The following EFNB1 variants were observed in gnomAD, a reference collection of about 807,000 sequenced individuals.
The protein encoded by EFNB1 is ephrin B1, also known as ephrin-B1.
In EFNB1, 1 loss-of-function variant was observed where a neutral mutation model predicts 18.1. The ratio of observed to expected loss-of-function variants is 0.06; its 90% confidence interval spans 0.02 to 0.26. The LOEUF (loss-of-function observed/expected upper bound fraction) is 0.26, where lower values mean the gene tolerates loss of function less well. Among genes scored for constraint, EFNB1 ranks in the 10% least tolerant of loss-of-function variants. The pLI, the probability that EFNB1 is intolerant of heterozygous loss-of-function variation, is 1.00. For missense variants in EFNB1, 221 were observed against 301.8 expected (o/e 0.73, Z 1.98); for synonymous variants, 131 against 127.5 (o/e 1.03, Z -0.19).
chrX:68,831,950 T>C (rs759085428), intron 1 of EFNB1, among the ~76,000 whole-genome samples: 39 of 110,239 alleles, frequency 3.5e-4, no homozygotes, highest in Non-Finnish European at 5.1e-4. Flanking sequence ...GGGTAGATCC[T>C]GGGAAGGATC....
At chrX:68,832,155 A>G (rs1457624938) in intron 1 of EFNB1, among the ~76,000 whole-genome samples, 1 of 109,745 alleles carries the variant, frequency 9.1e-6, no homozygotes, top group East Asian at 2.9e-4. Context: ...TTTCAAATAA[A>G]CAGTCCCTCT....
intron 1 of EFNB1, among the ~76,000 whole-genome samples, chrX:68,830,269 G>T (rs2080441378): frequency 8.9e-6 from 1 of 111,813 alleles, no homozygotes; most frequent in Non-Finnish European, 1.9e-5. Context: ...GGTGATTTTC[G>T]CCGAGAGCCG....
intron 1 of EFNB1, among the ~76,000 whole-genome samples, chrX:68,831,435 C>T (rs775948075): frequency 8.9e-6 from 1 of 111,924 alleles, no homozygotes; most frequent in Non-Finnish European, 1.9e-5. Context: ...AAACGGGGTA[C>T]AACACTCTCC....
intron 1 of EFNB1, among the ~76,000 whole-genome samples, chrX:68,837,370 C>T (rs974522398): frequency 3.6e-5 from 4 of 111,737 alleles, no homozygotes; most frequent in African/African-American, 9.8e-5. Context: ...CCTTGTCTCC[C>T]CACCACAATA....
chrX:68,840,528 C>T lies in EFNB1; in HGVS notation c.915C>T (p.Pro305=), dbSNP rs1443441679. The T allele has an allele frequency of 8.3e-7, 1 of 1,210,271 alleles. No homozygotes were observed. Among genetic ancestry groups the T allele is most frequent in the African/African-American group, 1.7e-5 (1 of 57,391 alleles). ...AGTEPSDIII[P]LRTTENNYCP... is the part of the protein sequence containing the mutation. ...CCGAGCCCAGCGACATCATCATTCC[C>T]TTACGGACTACAGAGAACAACTACT... The change falls in exon 5 of 5, where the codon CCC becomes CCT. Residue 305 remains proline (P), a synonymous_variant. Coordinates refer to ENST00000204961, the MANE Select transcript of EFNB1 (RefSeq NM_004429.5).
chrX:68,840,213 G>T, intron 4 of EFNB1, 29 bp from the exon 5 acceptor site: 1 of 1,211,691 alleles, frequency 8.3e-7, no homozygotes, highest in South Asian at 1.8e-5. Flanking sequence ...ACCCCTGGCT[G>T]ACTGTTCCTT....
intron 1 of EFNB1, among the ~76,000 whole-genome samples, chrX:68,834,952 C>A (rs1046381315): frequency 1.8e-5 from 2 of 112,512 alleles, no homozygotes; most frequent in Non-Finnish European, 3.8e-5. Flanking sequence ...AGGGCTTATC[C>A]GGAGAAAACA....
chrX:68,832,088 C>A (rs948111620), intron 1 of EFNB1, among the ~76,000 whole-genome samples: 4 of 110,689 alleles, frequency 3.6e-5, no homozygotes, highest in African/African-American at 1.3e-4. Flanking sequence ...CCTCAGCTCT[C>A]CTTGAGCTTT....
intron 1 of EFNB1, among the ~76,000 whole-genome samples, chrX:68,838,194 T>G (rs2080467105): frequency 9.5e-6 from 1 of 105,777 alleles, no homozygotes. Context: ...CGCGCACGTG[T>G]GTATGGGTAT....
At chrX:68,830,089 G>T (rs1167822695) in intron 1 of EFNB1, among the ~76,000 whole-genome samples, 185 bp downstream of exon 1, 2 of 111,263 alleles carry the variant, frequency 1.8e-5, no homozygotes, top group African/African-American at 6.5e-5. Context: ...TGGGGTAGGG[G>T]CACTTGGCTG....
chrX:68,840,467 T>C lies in EFNB1; in HGVS notation c.854T>C (p.Leu285Pro). The C allele has an allele frequency of 3.3e-6, 4 of 1,211,579 alleles. No individual in the cohort carries two copies. Among genetic ancestry groups the C allele is most frequent in the Non-Finnish European group, 4.5e-6 (4 of 895,321 alleles). Reference sequence around the variant, plus strand: ...GCGGCTGCCCTCTCGCTCAGTACCCTGGCCAGTCCCAAGGGGGGCAGTGGC... The same window carrying C: ...GCGGCTGCCCTCTCGCTCAGTACCCCGGCCAGTCCCAAGGGGGGCAGTGGC... ...QRAAALSLSTLASPKGGSGTA... is the reference protein window; with the variant it reads ...QRAAALSLSTPASPKGGSGTA... The change falls in exon 5 of 5, where the codon CTG becomes CCG. Residue 285 changes from leucine (L) to proline (P), a missense_variant. Leu to Pro is a moderately conservative substitution (Grantham distance 98). Transcript: ENST00000204961.
At chrX:68,837,591 C>T (rs2080463885) in intron 1 of EFNB1, among the ~76,000 whole-genome samples, 1 of 112,519 alleles carries the variant, frequency 8.9e-6, no homozygotes, top group African/African-American at 3.2e-5. Flanking sequence ...CATTTTCTTT[C>T]TGTGTGCTTA....
intron 1 of EFNB1, among the ~76,000 whole-genome samples, 163 bp downstream of exon 1, chrX:68,830,067 G>C (rs1331358601): frequency 2.7e-5 from 3 of 111,408 alleles, no homozygotes; most frequent in African/African-American, 9.8e-5. Context: ...GATGGAGCAG[G>C]GTGCGGCGGG....
intron 1 of EFNB1, among the ~76,000 whole-genome samples, chrX:68,830,374 GC>G (rs2080441632): frequency 8.9e-6 from 1 of 112,976 alleles, no homozygotes; most frequent in Non-Finnish European, 1.9e-5. Context: ...GGGACCCGGC[GC>G]TTGGGGTGGG....
intron 1 of EFNB1, among the ~76,000 whole-genome samples, chrX:68,834,205 G>A (rs1281654328): frequency 8.9e-6 from 1 of 112,236 alleles, no homozygotes; most frequent in East Asian, 2.8e-4. Flanking sequence ...TGACTGCTTG[G>A]GTGACCTGAA....
chrX:68,832,811 C>CGTGCGTGT (rs1556099688), intron 1 of EFNB1, among the ~76,000 whole-genome samples: 3 of 97,358 alleles, frequency 3.1e-5, no homozygotes, highest in Non-Finnish European at 6.2e-5. Flanking sequence ...TCTGTGTGTG[C>CGTGCGTGT]GTGTGTGTGT....
chrX:68,831,616 C>T (rs1199513100), intron 1 of EFNB1, among the ~76,000 whole-genome samples: 2 of 110,934 alleles, frequency 1.8e-5, no homozygotes, highest in Admixed American at 1.9e-4. Flanking sequence ...AGTTGAAATC[C>T]GCCTGGGGTA....
intron 1 of EFNB1, among the ~76,000 whole-genome samples, chrX:68,833,951 A>G (rs1479478392): frequency 8.9e-6 from 1 of 112,666 alleles, no homozygotes; most frequent in Non-Finnish European, 1.9e-5. Flanking sequence ...GTCTAAGGCC[A>G]GTCAATGACT....
intron 1 of EFNB1, among the ~76,000 whole-genome samples, chrX:68,838,165 G>GTGTA (rs2080466345): frequency 2.4e-5 from 1 of 41,048 alleles, no homozygotes; most frequent in Non-Finnish European, 4.6e-5. Context: ...GTGTGTGTGT[G>GTGTA]TGTGTGTGCG....
Sources: allele counts gnomAD v4.1 joint callset (sites outside exome capture counted in the v4.1 genomes callset), GRCh38; gene constraint gnomAD v4.1.1; transcripts MANE v1.5; gene names NCBI Gene and HGNC (gene_info 2026-07-23, HGNC 2026-07-21).